The following TENM3 variants were observed in gnomAD, a reference collection of about 807,000 sequenced individuals.
The protein encoded by TENM3 is teneurin-3.
Under a neutral mutation model 255.1 loss-of-function variants are expected in TENM3, and 63 were observed. The ratio of observed to expected loss-of-function variants is 0.25; its 90% CI spans 0.20 to 0.30. The LOEUF is 0.30. TENM3 is among the 10% of genes least tolerant of loss of function. The pLI, the probability that TENM3 is intolerant of heterozygous loss-of-function variation, is 1.00. For missense variants in TENM3, 2,929 were observed against 3,461.1 expected, an observed-to-expected ratio of 0.85 and a Z score of 3.86; for synonymous variants, 1,306 against 1,322.3, an observed-to-expected ratio of 0.99 and a Z score of 0.27.
intron 5 of TENM3, among the ~76,000 whole-genome samples, chr4:182,634,455 C>T (rs977772073): frequency 1.3e-5 from 2 of 152,060 alleles, no homozygotes; most frequent in Non-Finnish European, 2.9e-5. Flanking sequence ...ATCAAATGTA[C>T]ATATGGTAAA....
the TENM3 span, among the ~76,000 whole-genome samples, chr4:181,609,799 C>G: frequency 8.5e-4 from 130 of 152,204 alleles, no homozygotes; most frequent in Non-Finnish European, 1.4e-3. Context: ...ATTTCCACCA[C>G]ATATTCGATT....
rs565889471 is a variant in TENM3 at position 182,644,540 on chromosome 4, G to A, written c.989-9231G>A. ...AAATAACTATAATACCATGGATTCC[G>A]TTCGTCTCCAGCCTTGGAAAATAAA... On this transcript the variant is annotated intron_variant, in intron 5 of 27. Transcript: ENST00000511685. Among the ~76,000 whole-genome samples the A allele has an allele frequency of 3.9e-5, 6 of 151,934 alleles. No homozygotes were observed. The South Asian group carries it at 8.3e-4, about 21-fold the overall frequency.
intron 2 of TENM3, 63 bp from the exon 3 acceptor site, chr4:182,346,588 A>T: frequency 7.3e-7 from 1 of 1,379,066 alleles, no homozygotes; most frequent in Non-Finnish European, 9.8e-7. Context: ...AAAAAAAAAA[A>T]AGAAAAGAAA....
At chr4:182,431,576 T>C (rs1269504620) in intron 3 of TENM3, among the ~76,000 whole-genome samples, 1 of 152,056 alleles carries the variant, frequency 6.6e-6, no homozygotes. Flanking sequence ...TGATAATGGA[T>C]TTTACGTAGG....
chr4:181,811,883 C>T, the TENM3 span, among the ~76,000 whole-genome samples: 1 of 152,214 alleles, frequency 6.6e-6, no homozygotes, highest in Non-Finnish European at 1.5e-5. Flanking sequence ...ATACCCTGGA[C>T]TTCATTGCCG....
intron 3 of TENM3, among the ~76,000 whole-genome samples, chr4:182,424,519 A>C: frequency 6.7e-6 from 1 of 150,206 alleles, no homozygotes; most frequent in African/African-American, 2.5e-5. Context: ...CTATTTTTTT[A>C]AAAAAAATGT....
intron 6 of TENM3, among the ~76,000 whole-genome samples, chr4:182,669,449 C>G (rs1470307023): frequency 6.6e-6 from 1 of 151,742 alleles, no homozygotes; most frequent in Non-Finnish European, 1.5e-5. Context: ...TTTTTGTATT[C>G]TTAGTAGAGA....
the TENM3 span, among the ~76,000 whole-genome samples, chr4:182,064,215 A>G: frequency 7.9e-5 from 12 of 152,072 alleles, no homozygotes; most frequent in South Asian, 2.3e-3. Context: ...AGAAGGATCC[A>G]ATTTGACTTC....
chr4:182,508,489 T>C lies in TENM3; in HGVS notation c.512-92435T>C, dbSNP rs974916933. 3.9e-5 allele frequency among the ~76,000 whole-genome samples: 6 copies of C among 152,212 alleles called. No individual in the cohort carries two copies. In the South Asian group the frequency reaches 1.0e-3, roughly 26 times the overall value. On this transcript the variant is annotated intron_variant, in intron 3 of 27. Transcript: ENST00000511685. ...GCAATAATTATCACTATCATCATTA[T>C]TTCAACTTCATGAAATCCATGAAAT...
the TENM3 span, among the ~76,000 whole-genome samples, chr4:181,863,018 A>G: frequency 6.6e-6 from 1 of 152,198 alleles, no homozygotes; most frequent in African/African-American, 2.4e-5. Flanking sequence ...CGCATGAAAA[A>G]TGTTAATACT....
At chr4:182,558,271 C>T (rs1490848285) in intron 3 of TENM3, among the ~76,000 whole-genome samples, 4 of 152,124 alleles carry the variant, frequency 2.6e-5, no homozygotes, top group Non-Finnish European at 5.9e-5. Flanking sequence ...CACAGCATCT[C>T]CATCAGGTTT....
the TENM3 span, among the ~76,000 whole-genome samples, chr4:181,650,597 A>C: frequency 2.0e-5 from 3 of 152,194 alleles, no homozygotes; most frequent in Non-Finnish European, 4.4e-5. Flanking sequence ...CCCTATTAGG[A>C]GTACTTAGAT....
At chr4:181,885,965 C>T in the TENM3 span, among the ~76,000 whole-genome samples, 1 of 151,294 alleles carries the variant, frequency 6.6e-6, no homozygotes, top group African/African-American at 2.4e-5. Flanking sequence ...TCTTGCCTAA[C>T]ATTTCAATAG....
the TENM3 span, among the ~76,000 whole-genome samples, chr4:181,582,939 T>C: frequency 6.6e-6 from 1 of 152,200 alleles, no homozygotes; most frequent in Admixed American, 6.5e-5. Context: ...GACATGCTTA[T>C]TTCTCAAGAG....
At chr4:182,703,488 A>G (rs35743590) in intron 12 of TENM3, among the ~76,000 whole-genome samples, 16,207 of 152,242 alleles carry the variant, frequency 0.11, 1,160 homozygotes, top group South Asian at 0.14. Context: ...ACATTAGCCA[A>G]TGGAAAACTC....
intron 3 of TENM3, among the ~76,000 whole-genome samples, chr4:182,465,912 A>AT (rs1404287619): frequency 1.3e-5 from 2 of 152,070 alleles, no homozygotes; most frequent in African/African-American, 4.8e-5. Context: ...GTTTTCTTCT[A>AT]TTTTTTTAAT....
At chr4:181,942,813 C>G in the TENM3 span, among the ~76,000 whole-genome samples, 2 of 152,150 alleles carry the variant, frequency 1.3e-5, no homozygotes, top group Non-Finnish European at 2.9e-5. Flanking sequence ...CATGTCCTTA[C>G]TCTGGTACAA....
At chr4:181,607,065 C>A in the TENM3 span, among the ~76,000 whole-genome samples, 1 of 152,216 alleles carries the variant, frequency 6.6e-6, no homozygotes. Flanking sequence ...AATGTTCTCA[C>A]AACTTCCAGT....
Position 182,323,951 on chromosome 4 carries a change from C to A in TENM3, c.-70C>A. ...CAAACCTTGTATCTTCACAGAGAGG[C>A]CAATGAGACTTGAACCCTGAGCCTA... On this transcript the variant is annotated 5_prime_UTR_variant, in exon 2 of 28. Transcript: ENST00000511685. The A allele has an allele frequency of 1.5e-6, 2 of 1,331,970 alleles. No individual in the cohort carries two copies. Among genetic ancestry groups the A allele is most frequent in the Non-Finnish European group, 2.1e-6 (2 of 948,164 alleles). 82.5% of individuals were successfully genotyped at this position (1,331,970 alleles called of 1,614,324 possible).
Sources: gnomAD v4.1 joint callset for allele counts (sites outside exome capture counted in the v4.1 genomes callset) on GRCh38, gnomAD v4.1.1 for gene constraint, MANE v1.5 for transcripts, NCBI Gene and HGNC (gene_info 2026-07-23, HGNC 2026-07-21) for gene names.